The following MEIOSIN variants were observed in gnomAD, a reference collection of about 807,000 sequenced individuals.
The protein encoded by MEIOSIN is meiosis initiator protein.
In MEIOSIN, 18 loss-of-function variants were observed where a neutral mutation model predicts 23.4. The observed-to-expected ratio is 0.77, with a 90% confidence interval of 0.53 to 1.14. MEIOSIN has a LOEUF of 1.14. MEIOSIN is among the 50% of genes most tolerant of loss of function. The pLI is 0.00. For synonymous variants in MEIOSIN, 187 were observed against 100.6 expected (o/e 1.86, Z -5.14); for missense variants, 428 against 242.9 (o/e 1.76, Z -5.07).
In MEIOSIN at chr19:45,764,521, TG is replaced by T. The variant is rs1490611713; in HGVS notation, c.*405del. ...ATTGTTTTAAATAAAATAAAGCAAG[TG>T]GAACCTTTGTTACCAGCAAGAGAGA... On this transcript the variant is annotated 3_prime_UTR_variant, in exon 15 of 15. Transcript: ENST00000457052. 6.3e-6 allele frequency: 1 copy of T among 159,830 alleles called. No individual in the cohort carries two copies. Among genetic ancestry groups the T allele is most frequent in the Admixed American group, 6.5e-5 (1 of 15,470 alleles). The allele number at this position is 159,830 out of a possible 1,614,324, so 9.9% of individuals were successfully genotyped here.
intron 5 of MEIOSIN, among the ~76,000 whole-genome samples, chr19:45,752,377 A>G (rs1335667698): frequency 1.3e-5 from 2 of 151,772 alleles, no homozygotes; most frequent in Non-Finnish European, 2.9e-5. Context: ...CACCACACCC[A>G]GCTAATTTTT....
chr19:45,740,218 A>T (rs1264967596), intron 3 of MEIOSIN, among the ~76,000 whole-genome samples: 2 of 152,198 alleles, frequency 1.3e-5, no homozygotes, highest in Non-Finnish European at 2.9e-5. Context: ...AACACCTTCC[A>T]GATAAGATCA....
intron 2 of MEIOSIN, among the ~76,000 whole-genome samples, chr19:45,738,887 C>G (rs1022800822): frequency 6.6e-6 from 1 of 152,180 alleles, no homozygotes; most frequent in South Asian, 2.1e-4. Flanking sequence ...ACAATTCATA[C>G]TTTCATCCCC....
chr19:45,750,610 C>CG (rs1968684966), intron 4 of MEIOSIN, 65 bp from the exon 5 acceptor site: 1 of 438,926 alleles, frequency 2.3e-6, no homozygotes, highest in African/African-American at 2.1e-5. Context: ...CCGCCCACCT[C>CG]GGCTTCTCAA....
intron 3 of MEIOSIN, among the ~76,000 whole-genome samples, chr19:45,744,430 A>G (rs564533278): frequency 1.3e-5 from 2 of 152,130 alleles, no homozygotes; most frequent in African/African-American, 4.8e-5. Context: ...AGGATGGTCC[A>G]ATGCTTGGTT....
At chr19:45,757,646 G>T (rs1192962751) in intron 9 of MEIOSIN, among the ~76,000 whole-genome samples, 1 of 151,480 alleles carries the variant, frequency 6.6e-6, no homozygotes, top group Non-Finnish European at 1.5e-5. Context: ...TCAGCCTCCC[G>T]AGTAGCTGGG....
Position 45,757,023 on chromosome 19 carries a change from G to A in MEIOSIN, c.912-154G>A, listed in dbSNP as rs747207536. ...TGCTTACGGGCTGGGCTATCCTCATGAGACTGTAAGCTCCCTGAGGATGGG... is the reference window on the plus strand; with the variant it reads ...TGCTTACGGGCTGGGCTATCCTCATAAGACTGTAAGCTCCCTGAGGATGGG... On this transcript the variant is annotated intron_variant, in intron 8 of 14. Transcript: ENST00000457052. Among the ~76,000 whole-genome samples the A allele has an allele frequency of 2.6e-4, 40 of 152,156 alleles. 1 individual carries two copies. The highest frequency in any genetic ancestry group is 5.4e-4 in the Non-Finnish European group (37 of 68,026).
intron 4 of MEIOSIN, among the ~76,000 whole-genome samples, chr19:45,748,430 G>C (rs1968634430): frequency 6.6e-6 from 1 of 152,132 alleles, no homozygotes; most frequent in African/African-American, 2.4e-5. Flanking sequence ...CACTCCAAAG[G>C]CTCTTGCCTT....
intron 2 of MEIOSIN, among the ~76,000 whole-genome samples, chr19:45,736,707 T>G (rs994223488): frequency 6.6e-6 from 1 of 151,912 alleles, no homozygotes; most frequent in Non-Finnish European, 1.5e-5. Context: ...TAGCTGGGAC[T>G]ACAGGCGCCC....
chr19:45,738,911 G>T (rs971270489), intron 2 of MEIOSIN, among the ~76,000 whole-genome samples: 13 of 152,158 alleles, frequency 8.5e-5, no homozygotes, highest in African/African-American at 3.1e-4. Context: ...TCTAGATGTG[G>T]GGGTCCTTGT....
At chr19:45,735,315 G>A in intron 1 of MEIOSIN, 62 bp from the exon 2 acceptor site, 1 of 698,336 alleles carries the variant, frequency 1.4e-6, no homozygotes, top group South Asian at 1.5e-5. Flanking sequence ...GCCCATCAGG[G>A]TTCCTGCCCA....
intron 7 of MEIOSIN, among the ~76,000 whole-genome samples, chr19:45,755,439 G>A (rs1257754196): frequency 6.7e-6 from 1 of 150,162 alleles, no homozygotes; most frequent in Non-Finnish European, 1.5e-5. Flanking sequence ...GTGAGGCACT[G>A]TGCCGGGCCC....
chr19:45,746,840 A>AG (rs1555783125), intron 4 of MEIOSIN, among the ~76,000 whole-genome samples: 1 of 151,736 alleles, frequency 6.6e-6, no homozygotes, highest in East Asian at 1.9e-4. Flanking sequence ...AAAAAAAAAA[A>AG]GATCCTTAAC....
chr19:45,757,384 C>T, intron 9 of MEIOSIN, 107 bp downstream of exon 9: 1 of 616,808 alleles, frequency 1.6e-6, no homozygotes, highest in Non-Finnish European at 3.0e-6. Context: ...GAATGGAGAT[C>T]CCCTAAGCAC....
At chr19:45,752,027 C>T (rs910386922) in intron 5 of MEIOSIN, among the ~76,000 whole-genome samples, 1 of 140,074 alleles carries the variant, frequency 7.1e-6, no homozygotes, top group African/African-American at 2.7e-5. Context: ...GCCCCTGCTC[C>T]TAGCCGTTTT....
chr19:45,748,227 G>A (rs538864373), intron 4 of MEIOSIN, among the ~76,000 whole-genome samples: 48 of 152,130 alleles, frequency 3.2e-4, no homozygotes, highest in Admixed American at 3.1e-3. Flanking sequence ...ACAGGTGCCC[G>A]CCACCACGCC....
At chr19:45,751,297 A>AATAATAATC (rs1479208521) in intron 5 of MEIOSIN, among the ~76,000 whole-genome samples, 1 of 147,204 alleles carries the variant, frequency 6.8e-6, no homozygotes, top group Non-Finnish European at 1.5e-5. Flanking sequence ...TAATAATAAT[A>AATAATAATC]ATAATAATAA....
At chr19:45,749,157 G>A (rs1200786040) in intron 4 of MEIOSIN, among the ~76,000 whole-genome samples, 1 of 151,322 alleles carries the variant, frequency 6.6e-6, no homozygotes, top group African/African-American at 2.4e-5. Flanking sequence ...GATCACTTGA[G>A]CCCAGGAGTT....
At chr19:45,738,887 C>A (rs1022800822) in intron 2 of MEIOSIN, among the ~76,000 whole-genome samples, 3 of 152,180 alleles carry the variant, frequency 2.0e-5, no homozygotes, top group Non-Finnish European at 2.9e-5. Context: ...ACAATTCATA[C>A]TTTCATCCCC....
Sources: gnomAD v4.1 joint callset for allele counts (sites outside exome capture counted in the v4.1 genomes callset) on GRCh38, gnomAD v4.1.1 for gene constraint, MANE v1.5 for transcripts, NCBI Gene and HGNC (gene_info 2026-07-23, HGNC 2026-07-21) for gene names.